The following KDR variants were observed in gnomAD, a reference collection of about 807,000 sequenced individuals.
The protein encoded by KDR is vascular endothelial growth factor receptor 2.
KDR carries 43 observed loss-of-function variants against 160.9 expected under a neutral mutation model. The observed-to-expected ratio is 0.27, with a 90% confidence interval of 0.21 to 0.34. The LOEUF is 0.34. Ranked by LOEUF, KDR falls within the 10% of genes least tolerant of loss-of-function variation. The pLI, the probability that KDR is intolerant of heterozygous loss-of-function variation, is 1.00. For synonymous variants in KDR, 617 were observed against 600.1 expected (o/e 1.03, Z -0.41); for missense variants, 1,469 against 1,666.4 (o/e 0.88, Z 2.06).
At chr4:55,123,425 G>C (rs954267094) in intron 1 of KDR, among the ~76,000 whole-genome samples, 16 of 152,250 alleles carry the variant, frequency 1.1e-4, no homozygotes, top group African/African-American at 3.4e-4. Context: ...TATTGCCACA[G>C]ATCACATTCT....
chr4:55,107,713 C>A lies in KDR; in HGVS notation c.1412+24G>T, dbSNP rs750629406. On this transcript the variant is annotated intron_variant, in intron 10 of 29. Coordinates refer to ENST00000263923, the MANE Select transcript of KDR (RefSeq NM_002253.4). Reference sequence around the variant, plus strand: ...TAAGAAATGCAAGATGGCAGGAAAGCAAAGAGCATGTGGCCTTACTCACCT... The same window carrying A: ...TAAGAAATGCAAGATGGCAGGAAAGAAAAGAGCATGTGGCCTTACTCACCT... The A allele has an allele frequency of 1.9e-6, 3 of 1,613,630 alleles. No individual in the cohort carries two copies. In the East Asian group the frequency reaches 6.7e-5, roughly 36 times the overall value.
At chr4:55,124,858 A>G (rs867940725) in intron 1 of KDR, among the ~76,000 whole-genome samples, 10 of 152,216 alleles carry the variant, frequency 6.6e-5, no homozygotes, top group Middle Eastern at 3.4e-3. Context: ...GCGCAGCCAG[A>G]CAACTTTTCA....
chr4:55,098,075 C>A, intron 17 of KDR, 62 bp downstream of exon 17: 2 of 1,588,404 alleles, frequency 1.3e-6, no homozygotes, highest in Admixed American at 3.3e-5. Flanking sequence ...TGTCATCATT[C>A]TAATGGAGGA....
rs1052257999 is a variant in KDR, at chr4:55,125,442, C to G, written c.-149G>C. ...GCACAGGGCTAGGGAGCCCGGGCGCCGACCGCGGCTGCAGGGGCGTCTGCG... is the reference window on the plus strand; with the variant it reads ...GCACAGGGCTAGGGAGCCCGGGCGCGGACCGCGGCTGCAGGGGCGTCTGCG... On this transcript the variant is annotated 5_prime_UTR_variant, in exon 1 of 30. Coordinates refer to ENST00000263923, the MANE Select transcript of KDR (RefSeq NM_002253.4). 2.0e-5 allele frequency: 19 copies of G among 969,992 alleles called. No individual in the cohort carries two copies. Among genetic ancestry groups the G allele is most frequent in the Non-Finnish European group, 2.8e-5 (18 of 645,376 alleles). 60.1% of individuals were successfully genotyped at this position (969,992 alleles called of 1,614,324 possible).
intron 25 of KDR, 87 bp from the exon 26 acceptor site, chr4:55,089,060 A>C: frequency 1.0e-6 from 1 of 955,746 alleles, no homozygotes; most frequent in Non-Finnish European, 1.7e-6. Flanking sequence ...ACATTTGTAA[A>C]GAGCTGACGA....
At chr4:55,107,994 T>G (rs754712196) in intron 9 of KDR, 101 bp from the exon 10 acceptor site, 20 of 1,363,002 alleles carry the variant, frequency 1.5e-5, no homozygotes, top group African/African-American at 2.9e-5. Flanking sequence ...AGCATATGAT[T>G]TTGCTTCCAC....
chr4:55,106,060 G>C, intron 11 of KDR, 120 bp from the exon 12 acceptor site: 1 of 764,842 alleles, frequency 1.3e-6, no homozygotes, highest in South Asian at 1.4e-5. Context: ...CTTCTGCAGC[G>C]GTTGGACACG....
chr4:55,080,328 T>C (rs1009739293), intron 29 of KDR, among the ~76,000 whole-genome samples, 165 bp from the exon 30 acceptor site: 10 of 152,186 alleles, frequency 6.6e-5, no homozygotes, highest in African/African-American at 2.4e-4. Context: ...AGGGACAAGG[T>C]CTATTTTCAG....
Position 55,104,090 on chromosome 4 carries a change from T to C in KDR, c.1987+553A>G, listed in dbSNP as rs1425450330. ...GTAGCTTCCTTCCCATGGAGTCTTC[T>C]AGGTCTTAAACGCAGCCCATCATCC... On this transcript the variant is annotated intron_variant, in intron 13 of 29. Coordinates refer to ENST00000263923, the MANE Select transcript of KDR (RefSeq NM_002253.4). Among the ~76,000 whole-genome samples, 3 of 152,196 alleles carry C rather than the reference T, an allele frequency of 2.0e-5. No homozygotes were observed. In the East Asian group the frequency reaches 5.8e-4, roughly 29 times the overall value.
intron 26 of KDR, 94 bp from the exon 27 acceptor site, chr4:55,087,852 A>C (rs139212484): frequency 8.6e-7 from 1 of 1,165,714 alleles, no homozygotes; most frequent in Admixed American, 1.7e-5. Flanking sequence ...TCTTGGCTAC[A>C]TAGGGTGTGT....
rs1720863030 is a variant in KDR at position 55,121,117 on chromosome 4, T to G, written c.141A>C (p.Thr47=). The part of the protein sequence containing the change: ...QKDILTIKAN[T]TLQITCRGQR... Reference sequence around the variant, plus strand: ...CTTACCTGCAAGTAATTTGAAGAGTTGTATTAGCCTTAATTGTAAGTATGT... The same window carrying G: ...CTTACCTGCAAGTAATTTGAAGAGTGGTATTAGCCTTAATTGTAAGTATGT... The change falls in exon 2 of 30, where the codon ACA becomes ACC. Residue 47 remains threonine (T), a synonymous_variant. Coordinates refer to ENST00000263923, the MANE Select transcript of KDR (RefSeq NM_002253.4). The G allele has an allele frequency of 6.2e-7, 1 of 1,612,334 alleles. No homozygotes were observed. Among genetic ancestry groups the G allele is most frequent in the African/African-American group, 1.3e-5 (1 of 74,890 alleles).
chr4:55,109,372 G>A (rs746003713), intron 9 of KDR, among the ~76,000 whole-genome samples: 6 of 151,888 alleles, frequency 4.0e-5, no homozygotes, highest in Admixed American at 1.3e-4. Flanking sequence ...TGCAAACCAC[G>A]GCACCCAGCC....
chr4:55,124,129 T>A (rs781105977), intron 1 of KDR, among the ~76,000 whole-genome samples: 6 of 152,180 alleles, frequency 3.9e-5, no homozygotes, highest in Non-Finnish European at 7.3e-5. Flanking sequence ...GGACAGATGA[T>A]CCTGGTACTG....
intron 9 of KDR, among the ~76,000 whole-genome samples, chr4:55,110,085 A>T (rs1720539651): frequency 6.6e-6 from 1 of 152,200 alleles, no homozygotes; most frequent in Non-Finnish European, 1.5e-5. Flanking sequence ...TGAGAGGGGA[A>T]CATGGTAGTA....
rs1720483673 is a variant in KDR, at chr4:55,107,888, G to T, written c.1261C>A (p.Pro421Thr). Reference sequence around the variant, plus strand: ...ATTAGAGATTTCTCACCAATCTGGGGTGGGACTGAAGATGGGAAAAACAAC... The same window carrying T: ...ATTAGAGATTTCTCACCAATCTGGGTTGGGACTGAAGATGGGAAAAACAAC... The part of the protein sequence containing the change: ...HVVSLVVYVP[P>T]QIGEKSLISP... The change falls in exon 10 of 30, where the codon CCC (proline) becomes ACC (threonine). Residue 421 changes from proline (P) to threonine (T), a missense_variant. Physicochemically the swap from Pro to Thr is conservative, Grantham distance 38. This residue lies in a region of KDR where 792 missense variants were observed against 840.9 expected (regional missense o/e 0.94). Transcript: ENST00000263923. The T allele has an allele frequency of 6.2e-7, 1 of 1,613,912 alleles. No individual in the cohort carries two copies. Among genetic ancestry groups the T allele is most frequent in the Non-Finnish European group, 8.5e-7 (1 of 1,179,854 alleles).
At chr4:55,101,803 C>T in intron 15 of KDR, 94 bp downstream of exon 15, 1 of 1,073,500 alleles carries the variant, frequency 9.3e-7, no homozygotes, top group Admixed American at 1.8e-5. Context: ...CCAGCTCCAT[C>T]CATGCAGCTG....
Position 55,104,674 on chromosome 4 carries a change from T to A in KDR, c.1956A>T (p.Arg652Ser), listed in dbSNP as rs1720395197. The change falls in exon 13 of 30, where the codon AGA becomes AGT. Residue 652 changes from arginine to serine, a missense_variant. Physicochemically the swap from Arg to Ser is moderately radical, Grantham distance 110. Around this residue, in one of 7 missense-constraint regions of KDR, gnomAD observed 792 missense variants for 840.9 expected, o/e 0.94. Transcript: ENST00000263923. ...CLAQDRKTKK[R>S]HCVVRQLTVL... ...CTGTGAGCTGCCTGACCACGCAATG[T>A]CTTTTCTTGGTCTTCCTGTCTTGAG... The A allele has an allele frequency of 1.2e-6, 2 of 1,613,760 alleles. No homozygotes were observed. Among genetic ancestry groups the A allele is most frequent in the Non-Finnish European group, 1.7e-6 (2 of 1,179,810 alleles).
At chr4:55,102,134 A>G (rs184369639) in intron 14 of KDR, 106 bp from the exon 15 acceptor site, 4 of 1,511,124 alleles carry the variant, frequency 2.6e-6, no homozygotes, top group African/African-American at 1.4e-5. Flanking sequence ...TTGTTCTATT[A>G]TCTAACTCTG....
At chr4:55,088,781 TG>T in intron 26 of KDR, 86 bp downstream of exon 26, 1 of 838,252 alleles carries the variant, frequency 1.2e-6, no homozygotes, top group Non-Finnish European at 2.1e-6. Flanking sequence ...GAGGATGGCA[TG>T]GTAGCCATGA....
Sources: allele counts gnomAD v4.1 joint callset (sites outside exome capture counted in the v4.1 genomes callset), GRCh38; gene constraint gnomAD v4.1.1; regional missense constraint gnomAD v4.1.1; transcripts MANE v1.5; gene names NCBI Gene and HGNC (gene_info 2026-07-23, HGNC 2026-07-21).